The following AKAP13 variants were observed in gnomAD, a reference collection of about 807,000 sequenced individuals.
AKAP13 encodes A-kinase anchor protein 13.
A neutral mutation model predicts 264.5 loss-of-function variants in AKAP13; 80 were observed. The observed-to-expected ratio is 0.30, with a 90% CI of 0.25 to 0.36. The LOEUF (loss-of-function observed/expected upper bound fraction) is 0.36. Among genes scored for constraint, AKAP13 ranks in the 10% least tolerant of loss-of-function variants. AKAP13 has a pLI of 1.00. For synonymous variants in AKAP13, 1,380 were observed against 1,250.2 expected, an observed-to-expected ratio of 1.10 and a Z score of -2.19; for missense variants, 3,712 against 3,435.2, an observed-to-expected ratio of 1.08 and a Z score of -2.01.
intron 1 of AKAP13, among the ~76,000 whole-genome samples, chr15:85,442,192 A>C (rs2073683323): frequency 6.6e-6 from 1 of 151,468 alleles, no homozygotes; most frequent in Non-Finnish European, 1.5e-5. Context: ...TGGGCGGATC[A>C]CGAGGTCAGG....
rs745551996 is a variant in AKAP13 at position 85,533,589 on chromosome 15, G to T, written c.187G>T (p.Asp63Tyr). ...DTLETIAPGHDCCETVKVQLC... is the reference protein window; with the variant it reads ...DTLETIAPGHYCCETVKVQLC... Reference sequence around the variant, plus strand: ...GCTGCCTGTGTTTCCTTTAGGTCATGATTGTTGTGAAACAGTGAAGGTGCA... The same window carrying T: ...GCTGCCTGTGTTTCCTTTAGGTCATTATTGTTGTGAAACAGTGAAGGTGCA... The change falls in exon 4 of 37, where the codon GAT becomes TAT. Residue 63 changes from aspartate to tyrosine, a missense_variant. Around this residue, in one of 3 missense-constraint regions of AKAP13, gnomAD observed 2,759 missense variants for 2,411.7 expected, o/e 1.14. Coordinates refer to ENST00000394518, the MANE Select transcript of AKAP13 (RefSeq NM_007200.5). 1.9e-6 allele frequency: 3 copies of T among 1,607,110 alleles called. No individual in the cohort carries two copies. Among genetic ancestry groups the T allele is most frequent in the Admixed American group, 3.4e-5 (2 of 59,034 alleles).
chr15:85,592,781 A>C (rs1281811753), intron 8 of AKAP13, among the ~76,000 whole-genome samples: 3 of 152,174 alleles, frequency 2.0e-5, no homozygotes, highest in African/African-American at 7.2e-5. Flanking sequence ...TTTTAATACA[A>C]TTGTGGAAAA....
At chr15:85,492,053 A>G (rs1022389426) in intron 2 of AKAP13, among the ~76,000 whole-genome samples, 2 of 152,234 alleles carry the variant, frequency 1.3e-5, no homozygotes, top group African/African-American at 2.4e-5. Context: ...TCTTCTATAT[A>G]CCAAGATGTC....
intron 26 of AKAP13, among the ~76,000 whole-genome samples, chr15:85,723,526 G>C (rs1278611893): frequency 1.3e-5 from 2 of 152,114 alleles, no homozygotes; most frequent in East Asian, 3.8e-4. Flanking sequence ...AATAGAGGAA[G>C]AAGACAAAGA....
chr15:85,610,273 G>A (rs2080545116), intron 8 of AKAP13, among the ~76,000 whole-genome samples: 1 of 152,142 alleles, frequency 6.6e-6, no homozygotes, highest in Non-Finnish European at 1.5e-5. Context: ...ATGATCATAT[G>A]GAAAAGGAGT....
chr15:85,666,053 G>A (rs1006385639), intron 13 of AKAP13, among the ~76,000 whole-genome samples: 6 of 152,160 alleles, frequency 3.9e-5, no homozygotes, highest in East Asian at 1.9e-4. Context: ...TAATGGGATC[G>A]TTGGGTCAAA....
intron 1 of AKAP13, among the ~76,000 whole-genome samples, chr15:85,409,109 C>T (rs749476097): frequency 6.6e-6 from 1 of 151,674 alleles, no homozygotes; most frequent in Non-Finnish European, 1.5e-5. Context: ...TGGTTATTGG[C>T]TATTTGTATA....
chr15:85,553,141 C>T (rs1359509039), intron 5 of AKAP13, among the ~76,000 whole-genome samples: 3 of 133,854 alleles, frequency 2.2e-5, no homozygotes, highest in Non-Finnish European at 4.6e-5. Flanking sequence ...ATTTGGAGTG[C>T]AATGGCGCGA....
At chr15:85,575,077 C>T (rs1298080566) in intron 5 of AKAP13, 54 bp from the exon 6 acceptor site, 32 of 1,543,394 alleles carry the variant, frequency 2.1e-5, no homozygotes, top group Non-Finnish European at 2.9e-5. Context: ...GAACGTTAAG[C>T]CTATGCCTGG....
intron 35 of AKAP13, among the ~76,000 whole-genome samples, chr15:85,742,153 G>C (rs2089064114): frequency 6.6e-6 from 1 of 152,232 alleles, no homozygotes; most frequent in Non-Finnish European, 1.5e-5. Context: ...GAATGGAAGT[G>C]CTGGGGCATT....
At chr15:85,400,555 T>C (rs558242955) in intron 1 of AKAP13, among the ~76,000 whole-genome samples, 54 of 152,298 alleles carry the variant, frequency 3.5e-4, no homozygotes, top group African/African-American at 1.3e-3. Context: ...AACTGTGTTC[T>C]TGACTTTAAT....
intron 1 of AKAP13, among the ~76,000 whole-genome samples, chr15:85,385,346 TTA>T (rs2070504078): frequency 6.6e-6 from 1 of 152,182 alleles, no homozygotes; most frequent in Admixed American, 6.5e-5. Context: ...CAGCACATCA[TTA>T]TGTCTCTTTA....
At chr15:85,538,375 A>T (rs2077470506) in intron 4 of AKAP13, among the ~76,000 whole-genome samples, 1 of 152,152 alleles carries the variant, frequency 6.6e-6, no homozygotes, top group Non-Finnish European at 1.5e-5. Flanking sequence ...CTGCAGTAAG[A>T]ACAGCCTGTG....
chr15:85,530,880 T>C (rs2077222470), intron 3 of AKAP13, among the ~76,000 whole-genome samples: 1 of 152,096 alleles, frequency 6.6e-6, no homozygotes, highest in Non-Finnish European at 1.5e-5. Context: ...CCCTTCTAGA[T>C]TTTATTTATT....
Position 85,556,886 on chromosome 15 carries a change from G to C in AKAP13, c.662+12931G>C, listed in dbSNP as rs149871202. Reference sequence around the variant, plus strand: ...AAGACATTTTCTACCATAAGCACCTGTTTTATTTTCCTTAAGTGAAGATTT... The same window carrying C: ...AAGACATTTTCTACCATAAGCACCTCTTTTATTTTCCTTAAGTGAAGATTT... On this transcript the variant is annotated intron_variant, in intron 5 of 36. Coordinates refer to ENST00000394518, the MANE Select transcript of AKAP13 (RefSeq NM_007200.5). Among the ~76,000 whole-genome samples, 29 of 152,292 alleles carry C rather than the reference G, an allele frequency of 1.9e-4. No homozygotes were observed. The East Asian group carries it at 5.0e-3, about 26-fold the overall frequency.
chr15:85,442,544 ATATATATT>A (rs2073744478), intron 1 of AKAP13, among the ~76,000 whole-genome samples: 1 of 131,578 alleles, frequency 7.6e-6, no homozygotes, highest in Admixed American at 8.2e-5. Context: ...TATATATTAT[ATATATATT>A]TATTTCTAGC....
intron 2 of AKAP13, among the ~76,000 whole-genome samples, chr15:85,489,201 C>T (rs1261932958): frequency 1.3e-5 from 2 of 152,138 alleles, no homozygotes; most frequent in African/African-American, 4.8e-5. Context: ...TCATAGAAAC[C>T]ACTGTAAACC....
intron 26 of AKAP13, 59 bp downstream of exon 26, chr15:85,723,379 G>C (rs2151732044): frequency 6.3e-7 from 1 of 1,580,234 alleles, no homozygotes; most frequent in East Asian, 2.3e-5. Flanking sequence ...AAAAATCCAA[G>C]TGCTTTTGTT....
At chr15:85,555,850 G>A (rs1719886652) in intron 5 of AKAP13, among the ~76,000 whole-genome samples, 1 of 152,138 alleles carries the variant, frequency 6.6e-6, no homozygotes, top group Admixed American at 6.5e-5. Flanking sequence ...CACTTGGTTT[G>A]GATGCTGTAA....
Sources: allele counts gnomAD v4.1 joint callset (sites outside exome capture counted in the v4.1 genomes callset), GRCh38; gene constraint gnomAD v4.1.1; regional missense constraint gnomAD v4.1.1; transcripts MANE v1.5; gene names NCBI Gene and HGNC (gene_info 2026-07-23, HGNC 2026-07-21).